The following PRPF38B variants were observed in gnomAD, a reference collection of about 807,000 sequenced individuals.
PRPF38B encodes pre-mRNA processing factor 38B, also known as pre-mRNA-splicing factor 38B.
Under a neutral mutation model 67.2 loss-of-function variants are expected in PRPF38B, and 18 were observed. That is an observed-to-expected ratio of 0.27 (90% CI 0.19 to 0.40). The LOEUF is 0.40. Ranked by LOEUF, PRPF38B falls within the 10% of genes least tolerant of loss-of-function variation. The probability of loss-of-function intolerance (pLI) is 1.00; values close to 1 mark genes in which losing one functional copy is unlikely to be tolerated. For missense variants in PRPF38B, 544 were observed against 684.9 expected, an observed-to-expected ratio of 0.79 and a Z score of 2.30; for synonymous variants, 246 against 234.2, an observed-to-expected ratio of 1.05 and a Z score of -0.46.
intron 1 of PRPF38B, 108 bp downstream of exon 1, chr1:108,692,975 G>GT: frequency 1.4e-6 from 2 of 1,401,848 alleles, no homozygotes; most frequent in Non-Finnish European, 1.9e-6. Context: ...GTGGGGGAAG[G>GT]TGGTTCGGCG....
At position 108,701,049 on chromosome 1, in the gene PRPF38B, CAG is replaced by C. The variant is rs1399355198; in HGVS notation, c.*1032_*1033del. 2.0e-5 allele frequency: 3 copies of C among 152,452 alleles called. No homozygotes were observed. Among genetic ancestry groups the C allele is most frequent in the South Asian group, 2.1e-4 (1 of 4,832 alleles). The allele number at this position is 152,452 out of a possible 1,614,324, so 9.4% of individuals were successfully genotyped here. On this transcript the variant is annotated 3_prime_UTR_variant, in exon 6 of 6. Transcript: ENST00000370025. ...TTGAGTTTTTAAACTTAATCTAGAACAGAGGAGTATTAAAAGTAATGCTGTGC... is the reference window on the plus strand; with the variant it reads ...TTGAGTTTTTAAACTTAATCTAGAACAGGAGTATTAAAAGTAATGCTGTGC...
At chr1:108,698,534 T>G (rs1660110209) in intron 4 of PRPF38B, 70 bp from the exon 5 acceptor site, 12 of 1,105,346 alleles carry the variant, frequency 1.1e-5, no homozygotes, top group Non-Finnish European at 1.4e-5. Context: ...GATGGTAATA[T>G]TTTTATAATA....
At chr1:108,696,994 C>T (rs1659925222) in intron 4 of PRPF38B, 3 of 513,708 alleles carry the variant, frequency 5.8e-6, no homozygotes, top group African/African-American at 3.9e-5. Flanking sequence ...TATGCATTGG[C>T]TGGGCGTGGT....
intron 4 of PRPF38B, 120 bp downstream of exon 4, chr1:108,696,457 G>A (rs12401944): frequency 0.013 from 11,232 of 867,346 alleles, 108 homozygotes; most frequent in Middle Eastern, 0.02. Context: ...ATTTCAGTGA[G>A]ATACTTTTGG....
rs902744717 is a variant in PRPF38B, at chr1:108,700,950, A to G, written c.*930A>G. 2 of 152,434 alleles carry G rather than the reference A, an allele frequency of 1.3e-5. No homozygotes were observed. The highest frequency in any genetic ancestry group is 1.9e-4 in the East Asian group (1 of 5,198). The allele number at this position is 152,434 out of a possible 1,614,324, so 9.4% of individuals were successfully genotyped here. On this transcript the variant is annotated 3_prime_UTR_variant, in exon 6 of 6. Transcript: ENST00000370025. ...ATTTTTATAAATGGAAAATCCTTAA[A>G]TTATGAAACAGCTTGATATAGTGTC...
Position 108,699,433 on chromosome 1 carries a change from A to G in PRPF38B, c.1054A>G (p.Arg352Gly). 1.9e-6 allele frequency: 3 copies of G among 1,614,102 alleles called. No homozygotes were observed. Among genetic ancestry groups the G allele is most frequent in the Non-Finnish European group, 1.7e-6 (2 of 1,179,966 alleles). The change falls in exon 6 of 6, where the codon AGG becomes GGG. Residue 352 changes from arginine (R) to glycine (G), a missense_variant. Coordinates refer to ENST00000370025, the MANE Select transcript of PRPF38B (RefSeq NM_018061.4). ...TGATAGGAAAGGGGATAGAAGGGAC[A>G]GGGATCGAGAAAGAGAGAAAGAAAA... ...SRDRKGDRRD[R>G]DREREKENER...
chr1:108,701,952 A>G lies in PRPF38B; in HGVS notation c.*1932A>G, dbSNP rs1429217876. On this transcript the variant is annotated 3_prime_UTR_variant, in exon 6 of 6. Coordinates refer to ENST00000370025, the MANE Select transcript of PRPF38B (RefSeq NM_018061.4). Reference sequence around the variant, plus strand: ...TGTCTTGTGTTGAAAATCTACTTTTAGCATACCTAAATTATGGAGCTACTA... The same window carrying G: ...TGTCTTGTGTTGAAAATCTACTTTTGGCATACCTAAATTATGGAGCTACTA... 6.6e-6 allele frequency: 1 copy of G among 152,198 alleles called. No homozygotes were observed. Among genetic ancestry groups the G allele is most frequent in the African/African-American group, 2.4e-5 (1 of 41,440 alleles). 9.4% of individuals were successfully genotyped at this position (152,198 alleles called of 1,614,324 possible). A position where few individuals can be genotyped will look rare whatever the true frequency, so the allele number is the denominator to read the frequency against.
At position 108,700,871 on chromosome 1, in the gene PRPF38B, A is replaced by C. The variant is rs2101059431; in HGVS notation, c.*851A>C. On this transcript the variant is annotated 3_prime_UTR_variant, in exon 6 of 6. Coordinates refer to ENST00000370025, the MANE Select transcript of PRPF38B (RefSeq NM_018061.4). ...AACCCTATACTAACATGTAATGGGG[A>C]GAGGGTGGGGCAGATGAGTAGAGAA... The C allele has an allele frequency of 6.6e-6, 1 of 152,484 alleles. No homozygotes were observed. The highest frequency in any genetic ancestry group is 1.9e-4 in the East Asian group (1 of 5,186). 9.4% of individuals were successfully genotyped at this position (152,484 alleles called of 1,614,324 possible).
chr1:108,696,414 T>A, intron 4 of PRPF38B, 77 bp downstream of exon 4: 2 of 1,335,320 alleles, frequency 1.5e-6, no homozygotes, highest in Non-Finnish European at 2.1e-6. Context: ...ATTGGTGGTT[T>A]AATGTCTTCA....
rs935794804 is a variant in PRPF38B at position 108,698,288 on chromosome 1, A to G, written c.559-316A>G. ...CAAATATGTCCACAGAAATAAATAC[A>G]TAGTAGGTATGTGGAATGTAAATTT... On this transcript the variant is annotated intron_variant, in intron 4 of 5. Transcript: ENST00000370025. The G allele has an allele frequency of 3.9e-5, 9 of 232,580 alleles. No individual in the cohort carries two copies. In the East Asian group the frequency reaches 8.2e-4, roughly 21 times the overall value. 14.4% of individuals were successfully genotyped at this position (232,580 alleles called of 1,614,324 possible).
rs1225265136 is a variant in PRPF38B at position 108,700,761 on chromosome 1, A to G, written c.*741A>G. ...TATTTGAAAAAATACATGACATGTA[A>G]TCTTTTTTTCTTGAATTCTTTCTCA... is the stretch of plus-strand genomic sequence containing the variant. On this transcript the variant is annotated 3_prime_UTR_variant, in exon 6 of 6. Coordinates refer to ENST00000370025, the MANE Select transcript of PRPF38B (RefSeq NM_018061.4). 6.6e-6 allele frequency: 1 copy of G among 152,626 alleles called. No homozygotes were observed. Among genetic ancestry groups the G allele is most frequent in the Non-Finnish European group, 1.5e-5 (1 of 68,044 alleles). The allele number at this position is 152,626 out of a possible 1,614,324, so 9.5% of individuals were successfully genotyped here.
Position 108,700,283 on chromosome 1 carries a change from T to TA in PRPF38B, c.*264dup. The TA allele has an allele frequency of 2.4e-6, 1 of 414,184 alleles. No homozygotes were observed. Among genetic ancestry groups the TA allele is most frequent in the South Asian group, 7.6e-5 (1 of 13,146 alleles). The allele number at this position is 414,184 out of a possible 1,614,324, so 25.7% of individuals were successfully genotyped here. On this transcript the variant is annotated 3_prime_UTR_variant, in exon 6 of 6. Coordinates refer to ENST00000370025, the MANE Select transcript of PRPF38B (RefSeq NM_018061.4). The stretch of plus-strand genomic sequence containing the variant: ...GTTTTTGAAATGTACAGTCTGTACA[T>TA]ATGTCCTGAAAATGTTTTAATTCCT...
rs1660125765 is a variant in PRPF38B at position 108,698,658 on chromosome 1, C to T, written c.613C>T (p.Arg205Ter). The change falls in exon 5 of 6, where the codon CGA (arginine) becomes TGA (stop). Residue 205 changes from arginine (R) to a stop codon, truncating the protein, a stop_gained. Transcript: ENST00000370025. LOFTEE classifies it high-confidence loss of function. ...GCVMTIGEML[R>*]SFLTKLEWFS... ...TGTAATGACCATTGGAGAAATGCTA[C>T]GATCTTTTCTCACAAAACTGGAGTG... 1 of 1,614,026 alleles carries T rather than the reference C, an allele frequency of 6.2e-7. No homozygotes were observed. Among genetic ancestry groups the T allele is most frequent in the Non-Finnish European group, 8.5e-7 (1 of 1,179,966 alleles).
chr1:108,699,507 T>C lies in PRPF38B; in HGVS notation c.1128T>C (p.Asn376=), dbSNP rs1443473542. The change falls in exon 6 of 6, where the codon AAT becomes AAC. Residue 376 remains asparagine, a synonymous_variant. Coordinates refer to ENST00000370025, the MANE Select transcript of PRPF38B (RefSeq NM_018061.4). ...GTGACTATGATAAGGAAAGAGGAAATGAACGAGAAAAAGAGAGAGAGCGAT... is the reference window on the plus strand; with the variant it reads ...GTGACTATGATAAGGAAAGAGGAAACGAACGAGAAAAAGAGAGAGAGCGAT... ...RDRDYDKERG[N]EREKERERSR... The C allele has an allele frequency of 6.4e-7, 1 of 1,570,494 alleles. No homozygotes were observed.
Position 108,699,322 on chromosome 1 carries a change from C to A in PRPF38B, c.943C>A (p.Arg315=), listed in dbSNP as rs142474016. ...TGAAGCCAAAGAAAGGGAGAAAGAA[C>A]GGCGAAGATCCCGAAGTATTGACCG... is the stretch of plus-strand genomic sequence containing the variant. ...EREAKEREKE[R]RRSRSIDRGL... Residue 315 remains arginine (R), a synonymous_variant, in exon 6 of 6, where the codon CGG becomes AGG. Coordinates refer to ENST00000370025, the MANE Select transcript of PRPF38B (RefSeq NM_018061.4). The A allele has an allele frequency of 3.5e-5, 56 of 1,613,914 alleles. No homozygotes were observed. Among genetic ancestry groups the A allele is most frequent in the Non-Finnish European group, 4.5e-5 (53 of 1,180,028 alleles).
chr1:108,692,433 C>T lies in PRPF38B; in HGVS notation c.-159C>T, dbSNP rs1046751177. On this transcript the variant is annotated 5_prime_UTR_variant, in exon 1 of 6. Coordinates refer to ENST00000370025, the MANE Select transcript of PRPF38B (RefSeq NM_018061.4). ...TCTTGGCCCGGGGTCATTTTGTCGGCGTCGGGTGCCCTCTCTTGCCCAGCT... is the reference window on the plus strand; with the variant it reads ...TCTTGGCCCGGGGTCATTTTGTCGGTGTCGGGTGCCCTCTCTTGCCCAGCT... The T allele has an allele frequency of 7.4e-6, 6 of 812,628 alleles. No individual in the cohort carries two copies. The African/African-American group carries it at 1.0e-4, about 14-fold the overall frequency. The allele number at this position is 812,628 out of a possible 1,614,324, so 50.3% of individuals were successfully genotyped here.
chr1:108,692,981 C>T (rs111566072), intron 1 of PRPF38B, 114 bp downstream of exon 1: 3 of 1,346,416 alleles, frequency 2.2e-6, no homozygotes, highest in Non-Finnish European at 3.0e-6. Flanking sequence ...GAAGGTGGTT[C>T]GGCGGAGGGG....
Position 108,692,546 on chromosome 1 carries a change from G to A in PRPF38B, c.-46G>A. On this transcript the variant is annotated 5_prime_UTR_variant, in exon 1 of 6. Transcript: ENST00000370025. Reference sequence around the variant, plus strand: ...GTCCCGAAGAGCGAGATCGAGCTTGGCCCCCTCCCCCCCCTCCTTCCCTCC... The same window carrying A: ...GTCCCGAAGAGCGAGATCGAGCTTGACCCCCTCCCCCCCCTCCTTCCCTCC... 6.7e-7 allele frequency: 1 copy of A among 1,497,048 alleles called. No individual in the cohort carries two copies. The allele number at this position is 1,497,048 out of a possible 1,614,324, so 92.7% of individuals were successfully genotyped here. A position where few individuals can be genotyped will look rare whatever the true frequency, so the allele number is the denominator to read the frequency against.
Position 108,700,264 on chromosome 1 carries a change from G to A in PRPF38B, c.*244G>A, listed in dbSNP as rs900367049. The stretch of plus-strand genomic sequence containing the variant: ...TCTTGCATTTTTATTGTTTGTTTTT[G>A]AAATGTACAGTCTGTACATATGTCC... On this transcript the variant is annotated 3_prime_UTR_variant, in exon 6 of 6. Transcript: ENST00000370025. 1.8e-6 allele frequency: 1 copy of A among 571,074 alleles called. No individual in the cohort carries two copies. Among genetic ancestry groups the A allele is most frequent in the East Asian group, 3.8e-5 (1 of 26,466 alleles). 35.4% of individuals were successfully genotyped at this position (571,074 alleles called of 1,614,324 possible).
Sources: allele counts gnomAD v4.1 joint callset, GRCh38; gene constraint gnomAD v4.1.1; transcripts MANE v1.5; gene names NCBI Gene and HGNC (gene_info 2026-07-23, HGNC 2026-07-21).